CUL3: variants seen among roughly 807,000 people sequenced by gnomAD.
CUL3 encodes cullin-3.
Under a neutral mutation model 89.1 loss-of-function variants are expected in CUL3, and 19 were observed. The ratio of observed to expected loss-of-function variants is 0.21; its 90% confidence interval spans 0.15 to 0.31. The LOEUF is 0.31. Ranked by LOEUF, CUL3 falls within the 10% of genes least tolerant of loss-of-function variation. CUL3 has a pLI of 1.00. For synonymous variants in CUL3, 351 were observed against 308.4 expected (o/e 1.14, Z -1.45); for missense variants, 469 against 942.3 (o/e 0.50, Z 6.58).
rs1277348925 is a variant in CUL3, at chr2:224,513,751, G to C, written c.540-113C>G. 5.7e-6 allele frequency: 4 copies of C among 704,048 alleles called. No individual in the cohort carries two copies. The Admixed American group carries it at 9.8e-5, about 17-fold the overall frequency. 43.6% of individuals were successfully genotyped at this position (704,048 alleles called of 1,614,324 possible). A position where few individuals can be genotyped will look rare whatever the true frequency, so the allele number is the denominator to read the frequency against. ...TTCAGGACATTTAACTCTTACTGAA[G>C]TGACCAATCTCCAATAGGCCACTCA... On this transcript the variant is annotated intron_variant, in intron 4 of 15. Coordinates refer to ENST00000264414, the MANE Select transcript of CUL3 (RefSeq NM_003590.5).
chr2:224,471,734 C>T lies in CUL3; in HGVS notation c.*2511G>A, dbSNP rs1005372662. The T allele has an allele frequency of 5.3e-5, 12 of 224,484 alleles. No homozygotes were observed. Among genetic ancestry groups the T allele is most frequent in the African/African-American group, 2.5e-4 (11 of 44,832 alleles). The allele number at this position is 224,484 out of a possible 1,614,324, so 13.9% of individuals were successfully genotyped here. ...TCCCTAATTGCAATGAATTTTCAGT[C>T]TTTAAATAATGTTAACGATTCAAAA... On this transcript the variant is annotated 3_prime_UTR_variant, in exon 16 of 16. Coordinates refer to ENST00000264414, the MANE Select transcript of CUL3 (RefSeq NM_003590.5).
At chr2:224,518,589 A>G (rs1559164862) in intron 3 of CUL3, among the ~76,000 whole-genome samples, 1 of 152,182 alleles carries the variant, frequency 6.6e-6, no homozygotes, top group Non-Finnish European at 1.5e-5. Flanking sequence ...TAGTAAGAAT[A>G]ATATTTGATG....
At chr2:224,480,968 TTC>T (rs1691518312) in intron 14 of CUL3, among the ~76,000 whole-genome samples, 1 of 152,114 alleles carries the variant, frequency 6.6e-6, no homozygotes, top group South Asian at 2.1e-4. Context: ...CACTACTCTG[TTC>T]TACAAAGTAT....
chr2:224,583,357 T>C (rs1392979476), intron 1 of CUL3, among the ~76,000 whole-genome samples: 2 of 152,066 alleles, frequency 1.3e-5, no homozygotes, highest in African/African-American at 4.8e-5. Context: ...GCGAAACTCT[T>C]GTCTCAAAAA....
At position 224,505,143 on chromosome 2, in the gene CUL3, T is replaced by TG. The variant is rs1332832301; in HGVS notation, c.1206+812_1206+813insC. Reference sequence around the variant, plus strand: ...TACAGCTGTGTAGTTGTTCAGTTTTTTTTTTTTTTTTGAGACGGAGTTTCG... The same window carrying TG: ...TACAGCTGTGTAGTTGTTCAGTTTTTGTTTTTTTTTTTGAGACGGAGTTTCG... On this transcript the variant is annotated intron_variant, in intron 8 of 15. Coordinates refer to ENST00000264414, the MANE Select transcript of CUL3 (RefSeq NM_003590.5). Among the ~76,000 whole-genome samples, 46 of 151,784 alleles carry TG rather than the reference T, an allele frequency of 3.0e-4. 1 individual carries two copies. The highest frequency in any genetic ancestry group is 3.9e-4 in the Admixed American group (6 of 15,232).
chr2:224,567,814 T>G (rs1695083947), intron 1 of CUL3, among the ~76,000 whole-genome samples: 1 of 151,848 alleles, frequency 6.6e-6, no homozygotes, highest in South Asian at 2.1e-4. Flanking sequence ...TCATGGAATC[T>G]ACTTCCCTCA....
chr2:224,575,185 T>C (rs903193529), intron 1 of CUL3, among the ~76,000 whole-genome samples: 3 of 152,240 alleles, frequency 2.0e-5, no homozygotes, highest in Admixed American at 1.3e-4. Context: ...GTTAGGTTTC[T>C]TGAAGTAAGA....
chr2:224,512,209 C>A (rs1384922581), intron 5 of CUL3, among the ~76,000 whole-genome samples: 1 of 152,030 alleles, frequency 6.6e-6, no homozygotes, highest in East Asian at 1.9e-4. Flanking sequence ...CATTCTCCTG[C>A]CTCAGCCTCC....
chr2:224,582,510 T>C (rs935989261), intron 1 of CUL3, among the ~76,000 whole-genome samples: 3 of 152,220 alleles, frequency 2.0e-5, no homozygotes, highest in African/African-American at 4.8e-5. Context: ...TTAATACTTA[T>C]TAAACAGTAA....
At chr2:224,567,787 C>T (rs1158692193) in intron 1 of CUL3, among the ~76,000 whole-genome samples, 1 of 151,646 alleles carries the variant, frequency 6.6e-6, no homozygotes. Context: ...GCCTTCCAAA[C>T]ACTATGAACT....
chr2:224,552,110 G>A (rs141973316), intron 2 of CUL3, among the ~76,000 whole-genome samples: 1 of 152,270 alleles, frequency 6.6e-6, no homozygotes, highest in African/African-American at 2.4e-5. Context: ...TTTGAATGCT[G>A]AATTCTGTGA....
intron 6 of CUL3, among the ~76,000 whole-genome samples, chr2:224,508,784 C>G (rs1378400427): frequency 6.6e-6 from 1 of 151,688 alleles, no homozygotes; most frequent in Non-Finnish European, 1.5e-5. Context: ...ACGGTGAAAC[C>G]CCCCTGTCTT....
At chr2:224,573,413 C>A (rs918872663) in intron 1 of CUL3, among the ~76,000 whole-genome samples, 1 of 152,296 alleles carries the variant, frequency 6.6e-6, no homozygotes, top group African/African-American at 2.4e-5. Flanking sequence ...CAAGTCAATA[C>A]ACACTAAGGT....
intron 3 of CUL3, among the ~76,000 whole-genome samples, chr2:224,529,008 T>C (rs1203643637): frequency 2.0e-5 from 3 of 152,164 alleles, no homozygotes; most frequent in Non-Finnish European, 4.4e-5. Flanking sequence ...TAACAGAAGA[T>C]CAAGATAGGA....
At chr2:224,501,232 T>C (rs201544454) in intron 10 of CUL3, among the ~76,000 whole-genome samples, 1 of 152,346 alleles carries the variant, frequency 6.6e-6, no homozygotes, top group East Asian at 1.9e-4. Context: ...CTATTTCAAC[T>C]ACAGTTAATT....
At chr2:224,517,398 TGCGGTG>T (rs1271076426) in intron 3 of CUL3, among the ~76,000 whole-genome samples, 3 of 151,922 alleles carry the variant, frequency 2.0e-5, no homozygotes, top group Non-Finnish European at 4.4e-5. Context: ...ACAGGCCAGG[TGCGGTG>T]GCTCACGCCT....
intron 13 of CUL3, among the ~76,000 whole-genome samples, chr2:224,489,555 G>A (rs1372474428): frequency 6.6e-6 from 1 of 152,126 alleles, no homozygotes; most frequent in East Asian, 1.9e-4. Flanking sequence ...AGGACGTGAA[G>A]GATCTCTTCA....
In CUL3 at chr2:224,470,825, T is replaced by C. The variant is rs2106125462; in HGVS notation, c.*3420A>G. 4.3e-6 allele frequency: 1 copy of C among 230,786 alleles called. No individual in the cohort carries two copies. Among genetic ancestry groups the C allele is most frequent in the South Asian group, 1.8e-4 (1 of 5,508 alleles). 14.3% of individuals were successfully genotyped at this position (230,786 alleles called of 1,614,324 possible). A position where few individuals can be genotyped will look rare whatever the true frequency, so the allele number is the denominator to read the frequency against. Reference sequence around the variant, plus strand: ...TATTAACTTTAGTTTGTCACATTACTATTCATGTGAATGAGGTACAAAATA... The same window carrying C: ...TATTAACTTTAGTTTGTCACATTACCATTCATGTGAATGAGGTACAAAATA... On this transcript the variant is annotated 3_prime_UTR_variant, in exon 16 of 16. Transcript: ENST00000264414.
chr2:224,553,451 T>C (rs1694590682), intron 2 of CUL3, among the ~76,000 whole-genome samples: 1 of 152,238 alleles, frequency 6.6e-6, no homozygotes, highest in East Asian at 1.9e-4. Flanking sequence ...ATATACTGTA[T>C]ATTTTAAAAT....
Sources: allele counts gnomAD v4.1 joint callset (sites outside exome capture counted in the v4.1 genomes callset), GRCh38; gene constraint gnomAD v4.1.1; transcripts MANE v1.5; gene names NCBI Gene and HGNC (gene_info 2026-07-23, HGNC 2026-07-21).